HNRNPUL1: variants seen among roughly 807,000 people sequenced by gnomAD.
HNRNPUL1 encodes heterogeneous nuclear ribonucleoprotein U like 1.
Under a neutral mutation model 108.5 loss-of-function variants are expected in HNRNPUL1, and 14 were observed. The ratio of observed to expected loss-of-function variants is 0.13; its 90% CI spans 0.09 to 0.20. The LOEUF (loss-of-function observed/expected upper bound fraction) is 0.20. HNRNPUL1 is among the 10% of genes least tolerant of loss of function. The pLI is 1.00. For missense variants in HNRNPUL1, 804 were observed against 1,168.3 expected (o/e 0.69, Z 4.55); for synonymous variants, 422 against 445.2 (o/e 0.95, Z 0.66).
At chr19:41,278,327 C>T (rs1334221567) in intron 5 of HNRNPUL1, 5 of 151,072 alleles carry the variant, frequency 3.3e-5, no homozygotes, top group South Asian at 4.2e-4. Context: ...TCCCAAAGTG[C>T]TGGGATTACA....
rs892833790 is a variant in HNRNPUL1 at position 41,307,594 on chromosome 19, C to T, written c.*1029C>T. On this transcript the variant is annotated 3_prime_UTR_variant, in exon 15 of 15. Coordinates refer to ENST00000392006, the MANE Select transcript of HNRNPUL1 (RefSeq NM_007040.6). ...TTTAACATGATTTTAACAAACTGCACTTATTAAGAAATGTGTTTGCCCTGT... is the reference window on the plus strand; with the variant it reads ...TTTAACATGATTTTAACAAACTGCATTTATTAAGAAATGTGTTTGCCCTGT... 1.3e-5 allele frequency: 2 copies of T among 152,562 alleles called. No individual in the cohort carries two copies. The highest frequency in any genetic ancestry group is 4.8e-5 in the African/African-American group (2 of 41,404). 9.5% of individuals were successfully genotyped at this position (152,562 alleles called of 1,614,324 possible).
chr19:41,306,359 G>C, intron 14 of HNRNPUL1, 90 bp from the exon 15 acceptor site: 1 of 803,186 alleles, frequency 1.2e-6, no homozygotes, highest in Admixed American at 2.7e-5. Context: ...CACTGCAGCT[G>C]TCTCTGCCCT....
intron 7 of HNRNPUL1, 53 bp downstream of exon 7, chr19:41,281,328 C>T (rs2035887240): frequency 1.6e-6 from 2 of 1,244,550 alleles, no homozygotes; most frequent in Admixed American, 1.7e-5. Context: ...GGGCTACAGA[C>T]TTCTTTTTCA....
chr19:41,303,618 T>TGCTA (rs1179455255), intron 12 of HNRNPUL1, among the ~76,000 whole-genome samples: 2 of 152,060 alleles, frequency 1.3e-5, no homozygotes, highest in East Asian at 3.9e-4. Context: ...CCTCCCAGAG[T>TGCTA]GCTAGGATTA....
At position 41,269,650 on chromosome 19, in the gene HNRNPUL1, TA is replaced by T. The variant is rs1568428550; in HGVS notation, c.418+1310del. Among the ~76,000 whole-genome samples, 3 of 150,598 alleles carry T rather than the reference TA, an allele frequency of 2.0e-5. No individual in the cohort carries two copies. The South Asian group carries it at 6.3e-4, about 32-fold the overall frequency. On this transcript the variant is annotated intron_variant, in intron 2 of 14. Transcript: ENST00000392006. Reference sequence around the variant, plus strand: ...GACCCCTGTTGTCTTTAGAAAAAATTAAAAATTGCCTGAGCATGGTGACATG... The same window carrying T: ...GACCCCTGTTGTCTTTAGAAAAAATTAAAATTGCCTGAGCATGGTGACATG...
chr19:41,284,924 A>T (rs1409054824), intron 7 of HNRNPUL1, among the ~76,000 whole-genome samples: 1 of 146,988 alleles, frequency 6.8e-6, no homozygotes, highest in Non-Finnish European at 1.5e-5. Context: ...TGACCCTGGG[A>T]GGCGGAGCTT....
At chr19:41,288,720 G>A (rs2036403106) in intron 7 of HNRNPUL1, among the ~76,000 whole-genome samples, 1 of 152,136 alleles carries the variant, frequency 6.6e-6, no homozygotes. Flanking sequence ...GTATTCTGAT[G>A]CAGGGGTTTG....
chr19:41,270,479 T>TAA (rs113707725), intron 2 of HNRNPUL1, among the ~76,000 whole-genome samples: 3 of 151,616 alleles, frequency 2.0e-5, no homozygotes, highest in African/African-American at 7.3e-5. Context: ...TTTTTTTTAA[T>TAA]AAAAAAATAG....
Position 41,264,632 on chromosome 19 carries a change from C to G in HNRNPUL1, c.129C>G (p.Asp43Glu), listed in dbSNP as rs1342419765. 2.5e-6 allele frequency: 4 copies of G among 1,584,474 alleles called. No homozygotes were observed. The East Asian group carries it at 6.9e-5, about 27-fold the overall frequency. ...CGGCGTTGGAGGCCGAGGAGCCTGA[C>G]GACGAGCGGGAGCTCGACGCCGACG... is the stretch of plus-strand genomic sequence containing the variant. ...LQAALEAEEP[D>E]DERELDADDE... is the part of the protein sequence containing the mutation. The change falls in exon 1 of 15, where the codon GAC becomes GAG. Residue 43 changes from aspartate to glutamate, a missense_variant. By Grantham distance (45) the Asp-to-Glu change is conservative. Transcript: ENST00000392006.
intron 10 of HNRNPUL1, among the ~76,000 whole-genome samples, chr19:41,296,828 C>G (rs2036922544): frequency 6.6e-6 from 1 of 152,204 alleles, no homozygotes; most frequent in African/African-American, 2.4e-5. Context: ...CAGCCCAGAA[C>G]CATCTTTTGC....
rs117452910 is a variant in HNRNPUL1 at position 41,268,848 on chromosome 19, G to A, written c.418+503G>A. ...ACTTCACTCAGTCTGGGCAACAAGAGTGAAACTGCATCTCAAAAAAAAAAA... is the reference window on the plus strand; with the variant it reads ...ACTTCACTCAGTCTGGGCAACAAGAATGAAACTGCATCTCAAAAAAAAAAA... On this transcript the variant is annotated intron_variant, in intron 2 of 14. Coordinates refer to ENST00000392006, the MANE Select transcript of HNRNPUL1 (RefSeq NM_007040.6). 1.1e-3 allele frequency among the ~76,000 whole-genome samples: 160 copies of A among 151,958 alleles called. 2 individuals are homozygous for A. The East Asian group carries it at 0.03, about 29-fold the overall frequency.
At chr19:41,298,885 G>A (rs1490984426) in intron 10 of HNRNPUL1, 3 of 151,374 alleles carry the variant, frequency 2.0e-5, no homozygotes, top group Non-Finnish European at 4.4e-5. Context: ...GTCACTCCAT[G>A]CCCTCGCAGT....
chr19:41,276,321 G>A (rs764126037), intron 5 of HNRNPUL1, 23 bp downstream of exon 5: 14 of 1,590,052 alleles, frequency 8.8e-6, no homozygotes, highest in Non-Finnish European at 1.1e-5. Context: ...AAGAGAAGGG[G>A]AAGGGACAGA....
chr19:41,300,213 C>T (rs1303820701), intron 10 of HNRNPUL1, among the ~76,000 whole-genome samples: 1 of 152,020 alleles, frequency 6.6e-6, no homozygotes, highest in Non-Finnish European at 1.5e-5. Context: ...TTTTCAACCC[C>T]GTATTACAGA....
At chr19:41,275,389 C>T (rs112335177) in intron 4 of HNRNPUL1, among the ~76,000 whole-genome samples, 1,991 of 152,068 alleles carry the variant, frequency 0.013, 21 homozygotes, top group Middle Eastern at 0.062. Context: ...CAGGAGGCTG[C>T]GGTGGGAGGA....
intron 7 of HNRNPUL1, among the ~76,000 whole-genome samples, chr19:41,289,713 CT>C (rs71177710): frequency 0.13 from 15,795 of 119,732 alleles, 919 homozygotes; most frequent in African/African-American, 0.24. Flanking sequence ...TCTCCATGGT[CT>C]TTTTTTTTTT....
In HNRNPUL1 at chr19:41,264,584, CGAGCTTGCT is replaced by C. The variant is rs770462584; in HGVS notation, c.86_94del (p.Leu29_Glu31del). 6.4e-7 allele frequency: 1 copy of C among 1,571,290 alleles called. No homozygotes were observed. The highest frequency in any genetic ancestry group is 1.8e-5 in the Admixed American group (1 of 56,966). On this transcript the variant is annotated inframe_deletion, in exon 1 of 15. Transcript: ENST00000392006. ...GCCTGGACACTCGAGGCCTCAAGGC[CGAGCTTGCT>C]GAGCGGCTGCAGGCGGCGTTGGAGG...
chr19:41,270,424 A>G (rs1227117634), intron 2 of HNRNPUL1, among the ~76,000 whole-genome samples: 1 of 152,016 alleles, frequency 6.6e-6, no homozygotes, highest in Non-Finnish European at 1.5e-5. Context: ...TTTTTAATTA[A>G]ATTTAAAAAC....
At chr19:41,285,963 G>T (rs1219341681) in intron 7 of HNRNPUL1, among the ~76,000 whole-genome samples, 2 of 152,076 alleles carry the variant, frequency 1.3e-5, no homozygotes, top group Non-Finnish European at 2.9e-5. Context: ...GAGCCCAGAA[G>T]TTCAAGACCA....
Sources: allele counts gnomAD v4.1 joint callset (sites outside exome capture counted in the v4.1 genomes callset), GRCh38; gene constraint gnomAD v4.1.1; transcripts MANE v1.5; gene names NCBI Gene and HGNC (gene_info 2026-07-23, HGNC 2026-07-21).